ADAMTSL3: variants seen among roughly 807,000 people sequenced by gnomAD.
ADAMTSL3 encodes ADAMTS-like protein 3.
Under a neutral mutation model 201.7 loss-of-function variants are expected in ADAMTSL3, and 128 were observed. That is an observed-to-expected ratio of 0.63 (90% CI 0.55 to 0.73). The LOEUF (loss-of-function observed/expected upper bound fraction) is 0.73, where lower values mean the gene tolerates loss of function less well. Ranked by LOEUF, ADAMTSL3 falls within the 30% of genes least tolerant of loss-of-function variation. The probability of loss-of-function intolerance (pLI) is 0.00; values close to 1 mark genes in which losing one functional copy is unlikely to be tolerated. For missense variants in ADAMTSL3, 1,990 were observed against 2,119.6 expected, an observed-to-expected ratio of 0.94 and a Z score of 1.20; for synonymous variants, 738 against 748.4, an observed-to-expected ratio of 0.99 and a Z score of 0.23.
intron 20 of ADAMTSL3, among the ~76,000 whole-genome samples, chr15:83,981,738 C>T (rs985352659): frequency 6.6e-6 from 1 of 152,224 alleles, no homozygotes; most frequent in Non-Finnish European, 1.5e-5. Context: ...CAACCTCAGC[C>T]TCCTTTCAGA....
At chr15:83,919,153 G>A (rs1238700591) in intron 16 of ADAMTSL3, among the ~76,000 whole-genome samples, 8 of 152,176 alleles carry the variant, frequency 5.3e-5, no homozygotes, top group Non-Finnish European at 1.0e-4. Flanking sequence ...GTGTGAGTCT[G>A]AAGTGAAGAG....
intron 23 of ADAMTSL3, among the ~76,000 whole-genome samples, chr15:83,993,314 T>A (rs190319946): frequency 1.3e-3 from 199 of 152,340 alleles, no homozygotes; most frequent in African/African-American, 4.7e-3. Context: ...TATATTATAT[T>A]AATAGAAGAA....
intron 3 of ADAMTSL3, among the ~76,000 whole-genome samples, chr15:83,726,818 A>G (rs1173380726): frequency 6.6e-6 from 1 of 151,530 alleles, no homozygotes; most frequent in Non-Finnish European, 1.5e-5. Flanking sequence ...GGATTTTTGC[A>G]TCAGTGTTAA....
chr15:83,836,325 T>C (rs143959820), intron 6 of ADAMTSL3, among the ~76,000 whole-genome samples: 4 of 152,348 alleles, frequency 2.6e-5, no homozygotes, highest in African/African-American at 9.6e-5. Context: ...TTTCACCATT[T>C]GGAAATATAC....
chr15:84,001,141 C>A (rs111998643), intron 23 of ADAMTSL3, among the ~76,000 whole-genome samples: 3 of 152,142 alleles, frequency 2.0e-5, no homozygotes, highest in Non-Finnish European at 4.4e-5. Flanking sequence ...ATTAAGCTGA[C>A]GTTACATGTA....
chr15:83,939,560 TTC>T (rs1175457285), intron 17 of ADAMTSL3, among the ~76,000 whole-genome samples: 1 of 152,070 alleles, frequency 6.6e-6, no homozygotes, highest in Non-Finnish European at 1.5e-5. Context: ...AATGTGTGCC[TTC>T]TCTCTTTTTT....
intron 8 of ADAMTSL3, among the ~76,000 whole-genome samples, chr15:83,859,269 T>G (rs1486028639): frequency 6.6e-6 from 1 of 152,232 alleles, no homozygotes; most frequent in African/African-American, 2.4e-5. Context: ...TTTTCTGATT[T>G]GCAATTGGTT....
chr15:83,847,294 T>A (rs2064518089), intron 7 of ADAMTSL3, among the ~76,000 whole-genome samples: 1 of 152,206 alleles, frequency 6.6e-6, no homozygotes, highest in Non-Finnish European at 1.5e-5. Context: ...ACTGCATTTT[T>A]CTCACCCCCA....
chr15:83,767,874 A>G (rs1309102651), intron 3 of ADAMTSL3, among the ~76,000 whole-genome samples: 1 of 152,252 alleles, frequency 6.6e-6, no homozygotes, highest in East Asian at 1.9e-4. Context: ...TAGTTTAAAA[A>G]GCAGAAATAT....
chr15:83,906,340 A>G (rs1473580733), intron 15 of ADAMTSL3, among the ~76,000 whole-genome samples: 2 of 152,146 alleles, frequency 1.3e-5, no homozygotes, highest in African/African-American at 4.8e-5. Context: ...GAGAATAAAC[A>G]TCTTTCTAAT....
At chr15:83,858,339 A>G (rs1187908817) in intron 7 of ADAMTSL3, among the ~76,000 whole-genome samples, 1 of 152,204 alleles carries the variant, frequency 6.6e-6, no homozygotes, top group African/African-American at 2.4e-5. Context: ...TGTAATATTC[A>G]TCTGCTTTAC....
intron 3 of ADAMTSL3, among the ~76,000 whole-genome samples, chr15:83,743,690 A>G (rs75639076): frequency 0.011 from 1,652 of 152,254 alleles, 39 homozygotes; most frequent in African/African-American, 0.038. Flanking sequence ...CACAGGGTAG[A>G]AGAGTAACCA....
chr15:83,751,500 A>C (rs2062636024), intron 3 of ADAMTSL3, among the ~76,000 whole-genome samples: 1 of 152,106 alleles, frequency 6.6e-6, no homozygotes. Context: ...CAAGCGTAAG[A>C]GGTGCAACAC....
chr15:84,036,743 T>C (rs2068513387), intron 28 of ADAMTSL3, 30 bp from the exon 29 acceptor site: 6 of 1,573,762 alleles, frequency 3.8e-6, no homozygotes, highest in Non-Finnish European at 5.2e-6. Flanking sequence ...TATTTTTTGT[T>C]TTTCCGTTTT....
intron 16 of ADAMTSL3, among the ~76,000 whole-genome samples, chr15:83,921,169 T>A (rs1326160426): frequency 6.6e-6 from 1 of 152,168 alleles, no homozygotes; most frequent in Non-Finnish European, 1.5e-5. Context: ...CAAATTCTAG[T>A]GTGTGGAGTT....
At chr15:83,670,257 CCAAA>C (rs1379720035) in intron 2 of ADAMTSL3, among the ~76,000 whole-genome samples, 2 of 33,348 alleles carry the variant, frequency 6.0e-5, no homozygotes, top group African/African-American at 3.4e-4. Context: ...GACTCTGTCT[CCAAA>C]AAAAAAAAAA....
At chr15:84,002,921 CTTTT>C (rs1405734394) in intron 23 of ADAMTSL3, among the ~76,000 whole-genome samples, 44 of 89,456 alleles carry the variant, frequency 4.9e-4, no homozygotes, top group Admixed American at 1.4e-3. Flanking sequence ...TTTTTTCTTT[CTTTT>C]CTTTTCTTTT....
At chr15:83,814,960 C>T (rs1244142777) in intron 5 of ADAMTSL3, among the ~76,000 whole-genome samples, 1 of 152,092 alleles carries the variant, frequency 6.6e-6, no homozygotes, top group Admixed American at 6.6e-5. Context: ...TTACATATCC[C>T]CATGGTTTTA....
chr15:84,000,921 C>G (rs918542892), intron 23 of ADAMTSL3, among the ~76,000 whole-genome samples: 1 of 152,142 alleles, frequency 6.6e-6, no homozygotes, highest in South Asian at 2.1e-4. Flanking sequence ...TAATGTCATG[C>G]TGAAACCGAT....
Sources: allele counts gnomAD v4.1 joint callset (sites outside exome capture counted in the v4.1 genomes callset), GRCh38; gene constraint gnomAD v4.1.1; transcripts MANE v1.5; gene names NCBI Gene and HGNC (gene_info 2026-07-23, HGNC 2026-07-21).